TRIP4: variants seen among roughly 807,000 people sequenced by gnomAD.
TRIP4 encodes thyroid hormone receptor interactor 4.
In TRIP4, 54 loss-of-function variants were observed where a neutral mutation model predicts 81.8. The observed-to-expected ratio is 0.66, with a 90% CI of 0.53 to 0.83. The LOEUF is 0.83. TRIP4 is among the 40% of genes least tolerant of loss of function. The pLI, the probability that TRIP4 is intolerant of heterozygous loss-of-function variation, is 0.00. For missense variants in TRIP4, 662 were observed against 683.6 expected, an observed-to-expected ratio of 0.97 and a Z score of 0.35; for synonymous variants, 270 against 242.8, an observed-to-expected ratio of 1.11 and a Z score of -1.04.
At chr15:64,407,704 AC>A (rs1284286014) in intron 6 of TRIP4, among the ~76,000 whole-genome samples, 1 of 152,022 alleles carries the variant, frequency 6.6e-6, no homozygotes, top group Non-Finnish European at 1.5e-5. Flanking sequence ...GAATGCACTT[AC>A]TTTTTGATAA....
At chr15:64,436,805 C>T (rs866339738) in intron 11 of TRIP4, among the ~76,000 whole-genome samples, 2 of 93,314 alleles carry the variant, frequency 2.1e-5, no homozygotes, top group African/African-American at 8.4e-5. Flanking sequence ...TAAGGAGTCT[C>T]ACTCTGTTGC....
intron 7 of TRIP4, among the ~76,000 whole-genome samples, chr15:64,411,113 T>C (rs554311005): frequency 1.3e-5 from 2 of 152,306 alleles, no homozygotes; most frequent in African/African-American, 4.8e-5. Context: ...GCCTACATAC[T>C]GTATGATTTT....
At chr15:64,394,162 A>C in intron 2 of TRIP4, 47 bp downstream of exon 2, 1 of 1,458,108 alleles carries the variant, frequency 6.9e-7, no homozygotes, top group Non-Finnish European at 9.1e-7. Context: ...GTAAGTGGGC[A>C]GGCTTAAAGA....
rs866316158 is a variant in TRIP4 at position 64,440,381 on chromosome 15, A to G, written c.1576-4625A>G. On this transcript the variant is annotated intron_variant, in intron 11 of 12. Transcript: ENST00000261884. The stretch of plus-strand genomic sequence containing the variant: ...AGATATCCCTTACTTGTGAGGATAC[A>G]ATGTAAGTATATAGTGGCTTGTTAG... Among the ~76,000 whole-genome samples, 3 of 151,734 alleles carry G rather than the reference A, an allele frequency of 2.0e-5. No homozygotes were observed. The South Asian group carries it at 6.2e-4, about 32-fold the overall frequency.
chr15:64,401,120 C>T (rs555429085), intron 5 of TRIP4, among the ~76,000 whole-genome samples: 9 of 150,874 alleles, frequency 6.0e-5, no homozygotes, highest in African/African-American at 1.9e-4. Context: ...TGCCACCACG[C>T]GTAGCTAATA....
In TRIP4 at chr15:64,430,987, A is replaced by T. The variant is rs1266197521; in HGVS notation, c.1575+5356A>T. Among the ~76,000 whole-genome samples the T allele has an allele frequency of 2.7e-5, 4 of 149,430 alleles. No homozygotes were observed. In the East Asian group the frequency reaches 5.9e-4, roughly 22 times the overall value. On this transcript the variant is annotated intron_variant, in intron 11 of 12. Coordinates refer to ENST00000261884, the MANE Select transcript of TRIP4 (RefSeq NM_016213.5). The stretch of plus-strand genomic sequence containing the variant: ...AAAAGTAAGCAATTTTTAAAACTTT[A>T]AAAAAAAAAGAGTATCCAAGCAACA...
intron 9 of TRIP4, among the ~76,000 whole-genome samples, chr15:64,419,365 T>G (rs1891957534): frequency 6.6e-6 from 1 of 152,130 alleles, no homozygotes; most frequent in African/African-American, 2.4e-5. Flanking sequence ...TTCTTTTCTT[T>G]TCTTTTTTTT....
At chr15:64,404,870 C>G (rs1409853385) in intron 5 of TRIP4, among the ~76,000 whole-genome samples, 1 of 151,502 alleles carries the variant, frequency 6.6e-6, no homozygotes, top group Admixed American at 6.6e-5. Flanking sequence ...ATTGTTTGTA[C>G]AGATGGGCTC....
At chr15:64,413,483 C>T (rs1298877221) in intron 7 of TRIP4, among the ~76,000 whole-genome samples, 1 of 152,202 alleles carries the variant, frequency 6.6e-6, no homozygotes, top group Non-Finnish European at 1.5e-5. Context: ...GGCCTCTAGG[C>T]AGCTTTTCTG....
intron 11 of TRIP4, among the ~76,000 whole-genome samples, chr15:64,431,847 A>ATATATATATATATATATATATTTT: frequency 8.4e-6 from 1 of 119,560 alleles, no homozygotes; most frequent in African/African-American, 3.3e-5. Context: ...ATATATATAT[A>ATATATATATATATATATATATTTT]TTTTTTTTAT....
intron 11 of TRIP4, among the ~76,000 whole-genome samples, chr15:64,429,748 A>G (rs920868631): frequency 1.3e-5 from 2 of 152,200 alleles, no homozygotes; most frequent in African/African-American, 4.8e-5. Context: ...CTGAGAGAGA[A>G]CCATCTAGGA....
chr15:64,444,208 T>C (rs1892575440), intron 11 of TRIP4, among the ~76,000 whole-genome samples: 2 of 152,110 alleles, frequency 1.3e-5, no homozygotes, highest in Admixed American at 1.3e-4. Flanking sequence ...AGCCTATGAG[T>C]CATATTTGTT....
At chr15:64,396,996 T>G (rs1278113723) in intron 3 of TRIP4, among the ~76,000 whole-genome samples, 9 of 152,258 alleles carry the variant, frequency 5.9e-5, no homozygotes, top group African/African-American at 2.2e-4. Flanking sequence ...TGACGACTAA[T>G]GAAATTGAGC....
intron 5 of TRIP4, among the ~76,000 whole-genome samples, chr15:64,404,397 T>C (rs1336083458): frequency 6.6e-6 from 1 of 152,140 alleles, no homozygotes; most frequent in Non-Finnish European, 1.5e-5. Context: ...CTTGGCTCAC[T>C]GCAACTTCTG....
rs143968963 is a variant in TRIP4, at chr15:64,406,393, G to T, written c.761G>T (p.Arg254Leu). ...TKDLLPHQEL[R>L]IKSGLEKAIK... Reference sequence around the variant, plus strand: ...GACCTTCTTCCTCATCAAGAATTGCGAATTAAGTCTGGTCTGGAGAAGGCT... The same window carrying T: ...GACCTTCTTCCTCATCAAGAATTGCTAATTAAGTCTGGTCTGGAGAAGGCT... The change falls in exon 6 of 13, where the codon CGA becomes CTA. Residue 254 changes from arginine (R) to leucine (L), a missense_variant. Transcript: ENST00000261884. 2.5e-6 allele frequency: 4 copies of T among 1,614,130 alleles called. No individual in the cohort carries two copies. The highest frequency in any genetic ancestry group is 2.7e-5 in the African/African-American group (2 of 75,042).
intron 11 of TRIP4, among the ~76,000 whole-genome samples, chr15:64,426,306 T>C (rs939257677): frequency 1.3e-5 from 2 of 148,262 alleles, no homozygotes; most frequent in African/African-American, 2.7e-5. Flanking sequence ...GCCAGGACTG[T>C]GCCATATTTG....
chr15:64,449,560 A>G (rs1441350715), intron 12 of TRIP4, among the ~76,000 whole-genome samples: 3 of 148,658 alleles, frequency 2.0e-5, no homozygotes, highest in African/African-American at 7.3e-5. Context: ...TGACCCATTT[A>G]TGTGTTGTAT....
At chr15:64,429,924 T>C (rs1049620723) in intron 11 of TRIP4, among the ~76,000 whole-genome samples, 2 of 152,204 alleles carry the variant, frequency 1.3e-5, no homozygotes, top group African/African-American at 4.8e-5. Context: ...CTTTACATGC[T>C]GTTCCTTTTT....
At chr15:64,447,263 G>A (rs1892655728) in intron 12 of TRIP4, among the ~76,000 whole-genome samples, 1 of 152,208 alleles carries the variant, frequency 6.6e-6, no homozygotes. Flanking sequence ...TTCCCATTGT[G>A]TGAATTGCAT....
Sources: allele counts gnomAD v4.1 joint callset (sites outside exome capture counted in the v4.1 genomes callset), GRCh38; gene constraint gnomAD v4.1.1; transcripts MANE v1.5; gene names NCBI Gene and HGNC (gene_info 2026-07-23, HGNC 2026-07-21).